The following RNF115 variants were observed in gnomAD, a reference collection of about 807,000 sequenced individuals.
RNF115 encodes the protein E3 ubiquitin-protein ligase RNF115.
Under a neutral mutation model 39.2 loss-of-function variants are expected in RNF115, and 31 were observed. The ratio of observed to expected loss-of-function variants is 0.79; its 90% CI spans 0.59 to 1.07. The LOEUF is 1.07. RNF115 is among the 50% of genes least tolerant of loss of function. The pLI, the probability that RNF115 is intolerant of heterozygous loss-of-function variation, is 0.00. For missense variants in RNF115, 384 were observed against 381.7 expected (o/e 1.01, Z -0.05); for synonymous variants, 124 against 131.0 (o/e 0.95, Z 0.37).
chr1:145,757,960 G>T (rs1658362196), intron 4 of RNF115, among the ~76,000 whole-genome samples: 1 of 152,182 alleles, frequency 6.6e-6, no homozygotes, highest in Admixed American at 6.5e-5. Flanking sequence ...AGAAGAAGGA[G>T]ACTTTTTTGA....
chr1:145,789,265 ATTTT>A (rs1386044171), intron 1 of RNF115, among the ~76,000 whole-genome samples: 1 of 151,700 alleles, frequency 6.6e-6, no homozygotes, highest in Non-Finnish European at 1.5e-5. Flanking sequence ...AACATACCTA[ATTTT>A]TTTTATTTTT....
intron 1 of RNF115, among the ~76,000 whole-genome samples, chr1:145,820,724 G>T (rs1348837414): frequency 6.6e-6 from 1 of 152,082 alleles, no homozygotes; most frequent in Non-Finnish European, 1.5e-5. Flanking sequence ...GACAGAGCGA[G>T]ACTCAGTCTC....
intron 7 of RNF115, among the ~76,000 whole-genome samples, chr1:145,749,739 A>T (rs1658008369): frequency 6.6e-6 from 1 of 152,124 alleles, no homozygotes; most frequent in African/African-American, 2.4e-5. Context: ...CACTGCCCCT[A>T]GACTAATCTT....
chr1:145,790,731 CTATT>C (rs1553718834), intron 1 of RNF115, among the ~76,000 whole-genome samples: 1 of 152,088 alleles, frequency 6.6e-6, no homozygotes, highest in Non-Finnish European at 1.5e-5. Context: ...CGTGCCTGGC[CTATT>C]TTTTTAATTA....
At chr1:145,747,420 G>C (rs1265343760) in intron 8 of RNF115, among the ~76,000 whole-genome samples, 5 of 152,132 alleles carry the variant, frequency 3.3e-5, no homozygotes, top group African/African-American at 1.2e-4. Flanking sequence ...GGGAGGCCGA[G>C]GCAGGTGGAT....
At chr1:145,784,642 C>T (rs1553717907) in intron 2 of RNF115, 46 bp from the exon 3 acceptor site, 1 of 1,557,936 alleles carries the variant, frequency 6.4e-7, no homozygotes, top group South Asian at 1.1e-5. Context: ...CAGGAACAAG[C>T]TCCCCTCCCA....
At chr1:145,777,299 AC>A (rs782098836) in intron 3 of RNF115, among the ~76,000 whole-genome samples, 17 of 152,218 alleles carry the variant, frequency 1.1e-4, no homozygotes, top group Non-Finnish European at 2.5e-4. Flanking sequence ...CTGCTTTGAT[AC>A]TAACATACTT....
intron 7 of RNF115, among the ~76,000 whole-genome samples, chr1:145,749,620 G>A (rs1389622696): frequency 6.6e-6 from 1 of 152,094 alleles, no homozygotes; most frequent in Admixed American, 6.6e-5. Flanking sequence ...ATGATCTTCT[G>A]AATCCTTTCC....
chr1:145,797,388 T>C (rs1649032047), intron 1 of RNF115, among the ~76,000 whole-genome samples: 1 of 152,186 alleles, frequency 6.6e-6, no homozygotes, highest in South Asian at 2.1e-4. Flanking sequence ...TAATAATACC[T>C]AATATAAGTG....
chr1:145,751,652 C>A, intron 5 of RNF115, 142 bp from the exon 6 acceptor site: 1 of 534,980 alleles, frequency 1.9e-6, no homozygotes. Flanking sequence ...GCAAAGAATT[C>A]TGTACATTTT....
chr1:145,774,972 C>T (rs745364561), intron 3 of RNF115, among the ~76,000 whole-genome samples: 66 of 152,238 alleles, frequency 4.3e-4, no homozygotes, highest in South Asian at 8.3e-4. Context: ...ACAGGCTGGG[C>T]ACAGTGGCTT....
chr1:145,782,364 G>A (rs1553717542), intron 3 of RNF115, among the ~76,000 whole-genome samples: 1 of 152,122 alleles, frequency 6.6e-6, no homozygotes, highest in African/African-American at 2.4e-5. Context: ...ACACCTGCCT[G>A]TAATCCCAGC....
intron 1 of RNF115, among the ~76,000 whole-genome samples, chr1:145,801,331 G>A (rs782436276): frequency 3.9e-5 from 6 of 152,160 alleles, no homozygotes; most frequent in Non-Finnish European, 8.8e-5. Context: ...CACTTTGGAA[G>A]GCCACGGAGG....
intron 1 of RNF115, among the ~76,000 whole-genome samples, chr1:145,807,615 T>C (rs1649516284): frequency 6.6e-6 from 1 of 152,200 alleles, no homozygotes; most frequent in Non-Finnish European, 1.5e-5. Flanking sequence ...GATATTTTGG[T>C]ACATGCATAT....
intron 3 of RNF115, among the ~76,000 whole-genome samples, chr1:145,774,443 G>C (rs1263770591): frequency 6.6e-6 from 1 of 151,808 alleles, no homozygotes; most frequent in Non-Finnish European, 1.5e-5. Context: ...TCCACCTCCT[G>C]GGTTCAAGCC....
chr1:145,806,173 C>A (rs1437473648), intron 1 of RNF115, among the ~76,000 whole-genome samples: 6 of 152,028 alleles, frequency 3.9e-5, no homozygotes, highest in Admixed American at 3.9e-4. Flanking sequence ...CAGGGTGAAA[C>A]CCCGTCTCTA....
chr1:145,753,096 TACTCTACAGATATCCATGG>T (rs1553712747), intron 4 of RNF115, 47 bp from the exon 5 acceptor site: 1 of 1,273,416 alleles, frequency 7.9e-7, no homozygotes, highest in Non-Finnish European at 1.1e-6. Context: ...TAATGAAAAG[TACTCTACAGATATCCATGG>T]CTGCCTAATC....
intron 3 of RNF115, 28 bp from the exon 4 acceptor site, chr1:145,771,947 G>A (rs1647663144): frequency 1.9e-6 from 3 of 1,578,586 alleles, no homozygotes; most frequent in Non-Finnish European, 1.7e-6. Context: ...TAAGTCACAT[G>A]TTAGAAAAAT....
chr1:145,742,891 G>A lies in RNF115; in HGVS notation c.*3975C>T, dbSNP rs1208128573. The A allele has an allele frequency of 2.0e-5, 3 of 152,144 alleles. No individual in the cohort carries two copies. Among genetic ancestry groups the A allele is most frequent in the African/African-American group, 7.2e-5 (3 of 41,430 alleles). 9.4% of individuals were successfully genotyped at this position (152,144 alleles called of 1,614,324 possible). On this transcript the variant is annotated 3_prime_UTR_variant, in exon 9 of 9. Coordinates refer to ENST00000582693, the MANE Select transcript of RNF115 (RefSeq NM_014455.4). ...CATTTAAGAAGCACCTGTCGGCTGG[G>A]AGTGCTAGCTCACACCTGTAATCCC...
Sources: allele counts gnomAD v4.1 joint callset (sites outside exome capture counted in the v4.1 genomes callset), GRCh38; gene constraint gnomAD v4.1.1; transcripts MANE v1.5; gene names NCBI Gene and HGNC (gene_info 2026-07-23, HGNC 2026-07-21).